Variants in BCL11B observed in about 807,000 individuals in gnomAD.
BCL11B encodes the protein BCL11 transcription factor B.
A neutral mutation model predicts 49.9 loss-of-function variants in BCL11B; 8 were observed. The observed-to-expected ratio is 0.16, with a 90% CI of 0.09 to 0.29. BCL11B has a LOEUF of 0.29. BCL11B is among the 10% of genes least tolerant of loss of function. The probability of loss-of-function intolerance (pLI) is 1.00; values close to 1 mark genes in which losing one functional copy is unlikely to be tolerated. For synonymous variants in BCL11B, 739 were observed against 637.4 expected, an observed-to-expected ratio of 1.16 and a Z score of -2.40; for missense variants, 1,006 against 1,351.0, an observed-to-expected ratio of 0.74 and a Z score of 4.00.
At chr14:99,267,556 C>A (rs1889523017) in intron 1 of BCL11B, among the ~76,000 whole-genome samples, 1 of 133,294 alleles carries the variant, frequency 7.5e-6, no homozygotes, top group Non-Finnish European at 1.6e-5. Context: ...CCCCCCCCCA[C>A]CAACTAACCA....
At chr14:99,186,557 G>C (rs182468503) in intron 3 of BCL11B, among the ~76,000 whole-genome samples, 313 of 152,322 alleles carry the variant, frequency 2.1e-3, no homozygotes, top group Non-Finnish European at 3.4e-3. Flanking sequence ...GAGGGAAAGC[G>C]CATGCCTGGC....
intron 3 of BCL11B, among the ~76,000 whole-genome samples, chr14:99,202,971 T>C (rs968853709): frequency 1.3e-5 from 2 of 152,162 alleles, no homozygotes; most frequent in Non-Finnish European, 2.9e-5. Context: ...GGACAGCCGG[T>C]GAAAAGCTGT....
rs1888685254 is a variant in BCL11B at position 99,242,042 on chromosome 14, A to G, written c.428-10485T>C. On this transcript the variant is annotated intron_variant, in intron 2 of 3. Coordinates refer to ENST00000357195, the MANE Select transcript of BCL11B (RefSeq NM_138576.4). The surrounding 1 kb of genome is among the most constrained non-coding windows in gnomAD (Gnocchi z 4.4). Reference sequence around the variant, plus strand: ...TTAAGGAAAGGGTGGGTAGAAGGGGACAGGAAAAGGGGAGTGGGGAGGACA... The same window carrying G: ...TTAAGGAAAGGGTGGGTAGAAGGGGGCAGGAAAAGGGGAGTGGGGAGGACA... 6.6e-6 allele frequency among the ~76,000 whole-genome samples: 1 copy of G among 152,146 alleles called. No individual in the cohort carries two copies. The highest frequency in any genetic ancestry group is 1.9e-4 in the East Asian group (1 of 5,188).
In BCL11B at chr14:99,169,701, C is replaced by T; in HGVS notation, c.*4450G>A. On this transcript the variant is annotated 3_prime_UTR_variant, in exon 4 of 4. Transcript: ENST00000357195. The stretch of plus-strand genomic sequence containing the variant: ...AACAACTTAAATCAATGGGACTTTG[C>T]TTTGCAGGGCTGAGTTACAAGGAGC... 4.5e-6 allele frequency: 1 copy of T among 221,298 alleles called. No individual in the cohort carries two copies. The highest frequency in any genetic ancestry group is 9.1e-6 in the Non-Finnish European group (1 of 110,198). 13.7% of individuals were successfully genotyped at this position (221,298 alleles called of 1,614,324 possible).
rs1196487736 is a variant in BCL11B, at chr14:99,169,861, A to G, written c.*4290T>C. 8.8e-6 allele frequency: 2 copies of G among 228,480 alleles called. No homozygotes were observed. The highest frequency in any genetic ancestry group is 4.4e-5 in the African/African-American group (2 of 45,018). 14.2% of individuals were successfully genotyped at this position (228,480 alleles called of 1,614,324 possible). On this transcript the variant is annotated 3_prime_UTR_variant, in exon 4 of 4. Coordinates refer to ENST00000357195, the MANE Select transcript of BCL11B (RefSeq NM_138576.4). ...CAGTCTCCTTCTCTCCCCATGAAAGACCCTCTAATGCCAAGTGGCAGGTTC... is the reference window on the plus strand; with the variant it reads ...CAGTCTCCTTCTCTCCCCATGAAAGGCCCTCTAATGCCAAGTGGCAGGTTC...
rs1257836394 is a variant in BCL11B at position 99,241,269 on chromosome 14, C to T, written c.428-9712G>A. Among the ~76,000 whole-genome samples the T allele has an allele frequency of 1.3e-5, 2 of 151,948 alleles. No individual in the cohort carries two copies. Among genetic ancestry groups the T allele is most frequent in the Non-Finnish European group, 1.5e-5 (1 of 67,982 alleles). On this transcript the variant is annotated intron_variant, in intron 2 of 3. Coordinates refer to ENST00000357195, the MANE Select transcript of BCL11B (RefSeq NM_138576.4). This position sits in a 1 kb window ranked among gnomAD's most constrained non-coding sequence, Gnocchi z 4.4. Reference sequence around the variant, plus strand: ...CCAGCACCCCATCATGAAATATACCCCAAAACAACATTGTAGATAAGAGCC... The same window carrying T: ...CCAGCACCCCATCATGAAATATACCTCAAAACAACATTGTAGATAAGAGCC...
In BCL11B at chr14:99,241,792, C is replaced by T. The variant is rs1015281628; in HGVS notation, c.428-10235G>A. On this transcript the variant is annotated intron_variant, in intron 2 of 3. Coordinates refer to ENST00000357195, the MANE Select transcript of BCL11B (RefSeq NM_138576.4). This position sits in a 1 kb window ranked among gnomAD's most constrained non-coding sequence, Gnocchi z 4.4. ...CGTCACTCTGTTTTGCAAAATCCAGCAGCTTCCTTGGCAGCGAGAAAGGCT... is the reference window on the plus strand; with the variant it reads ...CGTCACTCTGTTTTGCAAAATCCAGTAGCTTCCTTGGCAGCGAGAAAGGCT... 6.6e-6 allele frequency among the ~76,000 whole-genome samples: 1 copy of T among 152,154 alleles called. No individual in the cohort carries two copies. The highest frequency in any genetic ancestry group is 2.4e-5 in the African/African-American group (1 of 41,416).
At position 99,186,425 on chromosome 14, in the gene BCL11B, G is replaced by A. The variant is rs1306307752; in HGVS notation, c.641-10230C>T. Among the ~76,000 whole-genome samples the A allele has an allele frequency of 2.0e-5, 3 of 152,134 alleles. No homozygotes were observed. The East Asian group carries it at 5.8e-4, about 29-fold the overall frequency. On this transcript the variant is annotated intron_variant, in intron 3 of 3. Coordinates refer to ENST00000357195, the MANE Select transcript of BCL11B (RefSeq NM_138576.4). ...GTCCCAGCTACTTGGGAGGCTGAGG[G>A]AGGAGAATTGCTTGAACCTTGGAGG...
intron 3 of BCL11B, among the ~76,000 whole-genome samples, chr14:99,219,814 A>T (rs886320277): frequency 2.6e-5 from 2 of 76,880 alleles, no homozygotes; most frequent in East Asian, 2.4e-4. Context: ...AATAAAAATT[A>T]AAAAAAAAAA....
At chr14:99,189,358 T>G (rs1788933519) in intron 3 of BCL11B, among the ~76,000 whole-genome samples, 1 of 152,184 alleles carries the variant, frequency 6.6e-6, no homozygotes, top group Non-Finnish European at 1.5e-5. Flanking sequence ...ATCAGAGGAC[T>G]CTAAGATGCA....
intron 3 of BCL11B, among the ~76,000 whole-genome samples, chr14:99,198,559 C>T (rs922464698): frequency 2.6e-5 from 4 of 152,128 alleles, no homozygotes; most frequent in Non-Finnish European, 4.4e-5. Context: ...CAGGTGTATA[C>T]GTATGAGCCT....
At chr14:99,230,625 A>G (rs1282150289) in intron 3 of BCL11B, among the ~76,000 whole-genome samples, 1 of 152,236 alleles carries the variant, frequency 6.6e-6, no homozygotes, top group Admixed American at 6.5e-5. Context: ...CAGGGCAGGT[A>G]GAGGCCAGTT....
intron 1 of BCL11B, among the ~76,000 whole-genome samples, chr14:99,260,077 A>G (rs1269003851): frequency 6.6e-6 from 1 of 152,216 alleles, no homozygotes; most frequent in African/African-American, 2.4e-5. Context: ...ATTGTGCGCC[A>G]TTTTTACAGA....
At chr14:99,222,574 C>T (rs571689798) in intron 3 of BCL11B, among the ~76,000 whole-genome samples, 7 of 152,360 alleles carry the variant, frequency 4.6e-5, no homozygotes, top group Admixed American at 2.0e-4. Context: ...GAGAAAATCT[C>T]GCTCATGCTC....
At chr14:99,176,419 C>G (rs1226753898) in intron 3 of BCL11B, among the ~76,000 whole-genome samples, 1 of 152,166 alleles carries the variant, frequency 6.6e-6, no homozygotes, top group East Asian at 1.9e-4. Flanking sequence ...CCTGGCCACC[C>G]GGGCGCCAGC....
rs1887945572 is a variant in BCL11B, at chr14:99,219,406, T to C, written c.640+11939A>G. ...TGCTACGGCAGCCCTGGGACACCAA[T>C]ACAGGACAATAGAGAGAAAGCACAA... is the stretch of plus-strand genomic sequence containing the variant. On this transcript the variant is annotated intron_variant, in intron 3 of 3. Transcript: ENST00000357195. Among the ~76,000 whole-genome samples, 3 of 152,250 alleles carry C rather than the reference T, an allele frequency of 2.0e-5. No homozygotes were observed. The South Asian group carries it at 6.2e-4, about 32-fold the overall frequency.
intron 3 of BCL11B, among the ~76,000 whole-genome samples, chr14:99,200,257 G>T (rs943648179): frequency 6.6e-6 from 1 of 152,224 alleles, no homozygotes; most frequent in African/African-American, 2.4e-5. Flanking sequence ...GAGCACAGGC[G>T]CTGGTCAGTC....
rs1888883880 is a variant in BCL11B, at chr14:99,247,563, C to T, written c.427+9908G>A. On this transcript the variant is annotated intron_variant, in intron 2 of 3. Coordinates refer to ENST00000357195, the MANE Select transcript of BCL11B (RefSeq NM_138576.4). The surrounding 1 kb of genome is among the most constrained non-coding windows in gnomAD (Gnocchi z 4.5). ...TCCCTGGTTGGCTGGCTACACTCTC[C>T]AGGAGGTGTGCTCTACCCTGAAAAA... is the stretch of plus-strand genomic sequence containing the variant. Among the ~76,000 whole-genome samples, 1 of 152,214 alleles carries T rather than the reference C, an allele frequency of 6.6e-6. No individual in the cohort carries two copies. Among genetic ancestry groups the T allele is most frequent in the Admixed American group, 6.5e-5 (1 of 15,280 alleles).
rs537007814 is a variant in BCL11B, at chr14:99,170,651, G to T, written c.*3500C>A. ...AGGAGAGAGAACGAGATATGGAAAG[G>T]CACCAAATTCATCCCAGGCCCTCGC... On this transcript the variant is annotated 3_prime_UTR_variant, in exon 4 of 4. Coordinates refer to ENST00000357195, the MANE Select transcript of BCL11B (RefSeq NM_138576.4). 4.3e-6 allele frequency: 1 copy of T among 233,262 alleles called. No individual in the cohort carries two copies. Among genetic ancestry groups the T allele is most frequent in the East Asian group, 6.0e-5 (1 of 16,532 alleles). The allele number at this position is 233,262 out of a possible 1,614,324, so 14.4% of individuals were successfully genotyped here.
Sources: allele counts gnomAD v4.1 joint callset (sites outside exome capture counted in the v4.1 genomes callset), GRCh38; gene constraint gnomAD v4.1.1; non-coding constraint Gnocchi (gnomAD v3.1); transcripts MANE v1.5; gene names NCBI Gene and HGNC (gene_info 2026-07-23, HGNC 2026-07-21).